Variants in ASIC2 observed in about 807,000 individuals in gnomAD.
The protein encoded by ASIC2 is acid sensing ion channel subunit 2, also known as acid-sensing ion channel 2.
In ASIC2, 25 loss-of-function variants were observed where a neutral mutation model predicts 57.3. The ratio of observed to expected loss-of-function variants is 0.44; its 90% CI spans 0.32 to 0.61. The LOEUF is 0.61. Among genes scored for constraint, ASIC2 ranks in the 20% least tolerant of loss-of-function variants. The probability of loss-of-function intolerance (pLI) is 0.06; values close to 1 mark genes in which losing one functional copy is unlikely to be tolerated. For synonymous variants in ASIC2, 319 were observed against 307.5 expected, an observed-to-expected ratio of 1.04 and a Z score of -0.39; for missense variants, 641 against 738.1, an observed-to-expected ratio of 0.87 and a Z score of 1.52.
chr17:33,124,641 C>T (rs189102928), intron 1 of ASIC2, among the ~76,000 whole-genome samples: 1 of 152,246 alleles, frequency 6.6e-6, no homozygotes, highest in Non-Finnish European at 1.5e-5. Context: ...GGGCAGTGGT[C>T]CCCAACCTTT....
intron 1 of ASIC2, among the ~76,000 whole-genome samples, chr17:34,127,535 C>T (rs1003691801): frequency 2.6e-5 from 4 of 152,206 alleles, no homozygotes; most frequent in African/African-American, 7.2e-5. Flanking sequence ...CATTTCCAAA[C>T]CAGTCATGCA....
At chr17:33,187,846 T>C (rs1291177670) in intron 1 of ASIC2, among the ~76,000 whole-genome samples, 4 of 130,194 alleles carry the variant, frequency 3.1e-5, no homozygotes, top group South Asian at 2.3e-4. Flanking sequence ...GAAAAAATGA[T>C]AACATCCAAC....
At chr17:33,701,481 G>A (rs565126771) in intron 1 of ASIC2, among the ~76,000 whole-genome samples, 1 of 152,244 alleles carries the variant, frequency 6.6e-6, no homozygotes, top group South Asian at 2.1e-4. Flanking sequence ...TTTTGTTATA[G>A]TTCTCAGCCC....
At chr17:33,740,640 A>G (rs1910082367) in intron 1 of ASIC2, among the ~76,000 whole-genome samples, 1 of 152,212 alleles carries the variant, frequency 6.6e-6, no homozygotes, top group Admixed American at 6.5e-5. Context: ...CAAGGAACAT[A>G]GACATCAGAT....
At chr17:33,969,030 AAC>A (rs1446135325) in intron 1 of ASIC2, among the ~76,000 whole-genome samples, 1 of 152,186 alleles carries the variant, frequency 6.6e-6, no homozygotes, top group African/African-American at 2.4e-5. Context: ...GTTTTAAAAA[AAC>A]ACAGAGGCCC....
At chr17:34,004,081 T>G (rs1208053406) in intron 1 of ASIC2, 1 of 152,204 alleles carries the variant, frequency 6.6e-6, no homozygotes, top group Non-Finnish European at 1.5e-5. Flanking sequence ...TGGTTACCAG[T>G]TATGGTGGGA....
chr17:33,598,537 G>A (rs1452493254), intron 1 of ASIC2, among the ~76,000 whole-genome samples: 1 of 152,184 alleles, frequency 6.6e-6, no homozygotes, highest in Non-Finnish European at 1.5e-5. Flanking sequence ...AAGACTGTAT[G>A]TGAAAATGTC....
At chr17:33,267,239 C>T (rs1042685035) in intron 1 of ASIC2, among the ~76,000 whole-genome samples, 1 of 152,118 alleles carries the variant, frequency 6.6e-6, no homozygotes, top group Non-Finnish European at 1.5e-5. Context: ...CCTTACCCCC[C>T]CCAGGAAGCA....
intron 1 of ASIC2, among the ~76,000 whole-genome samples, chr17:33,409,509 T>C (rs1378208596): frequency 6.6e-6 from 1 of 152,200 alleles, no homozygotes; most frequent in Non-Finnish European, 1.5e-5. Context: ...GAGAGAATGA[T>C]AGAGATGCGT....
chr17:33,962,256 T>C (rs1327221984), intron 1 of ASIC2, among the ~76,000 whole-genome samples: 1 of 152,134 alleles, frequency 6.6e-6, no homozygotes, highest in Admixed American at 6.5e-5. Context: ...ATAGGGTTCT[T>C]TGGAACATGG....
At chr17:33,086,452 G>A (rs564878170) in intron 3 of ASIC2, among the ~76,000 whole-genome samples, 2 of 152,188 alleles carry the variant, frequency 1.3e-5, no homozygotes, top group Non-Finnish European at 2.9e-5. Flanking sequence ...CTTTTAGAAA[G>A]TCACAGAATT....
intron 1 of ASIC2, among the ~76,000 whole-genome samples, chr17:33,960,624 A>G (rs1033619839): frequency 3.9e-5 from 6 of 152,260 alleles, no homozygotes; most frequent in Middle Eastern, 3.4e-3. Flanking sequence ...ATCCTGAAGC[A>G]CTTTTCCTCC....
chr17:34,125,077 C>T (rs1206238689), intron 1 of ASIC2, among the ~76,000 whole-genome samples: 2 of 151,658 alleles, frequency 1.3e-5, no homozygotes, highest in African/African-American at 4.9e-5. Flanking sequence ...CTTCCAGAGA[C>T]ACCTCCTCCA....
At chr17:33,180,706 G>A (rs1424593707) in intron 1 of ASIC2, among the ~76,000 whole-genome samples, 1 of 152,158 alleles carries the variant, frequency 6.6e-6, no homozygotes, top group Non-Finnish European at 1.5e-5. Context: ...TCTATTTGGG[G>A]ACCCTCTGAC....
At chr17:34,149,525 A>T (rs1029073261) in intron 1 of ASIC2, among the ~76,000 whole-genome samples, 1 of 152,212 alleles carries the variant, frequency 6.6e-6, no homozygotes, top group Non-Finnish European at 1.5e-5. Context: ...CTTAACATTA[A>T]ACAAGCTTCA....
chr17:33,293,454 G>C (rs1278608473), upstream of ASIC2, among the ~76,000 whole-genome samples: 1 of 152,210 alleles, frequency 6.6e-6, no homozygotes, highest in East Asian at 1.9e-4. Context: ...TGCGGGGGTG[G>C]GGTGTGGTGG....
intron 1 of ASIC2, among the ~76,000 whole-genome samples, chr17:33,919,710 A>G (rs942096694): frequency 6.6e-6 from 1 of 152,240 alleles, no homozygotes; most frequent in Non-Finnish European, 1.5e-5. Context: ...ACAGCAAAAT[A>G]AACTATAAAC....
intron 1 of ASIC2, chr17:33,569,258 A>C (rs1287375931): frequency 6.6e-6 from 1 of 152,318 alleles, no homozygotes. Context: ...TGGGGCCTGC[A>C]AGGCATGTAG....
rs555861620 is a variant in ASIC2, at chr17:33,911,966, C to A, written c.555+244012G>T. ...GACCAGCCTGACCAATGTGAAGAAA[C>A]CCCGTGTCTACTAAAAATACAAAAT... On this transcript the variant is annotated intron_variant, in intron 1 of 9. Coordinates refer to the ASIC2 transcript ENST00000359872. Among the ~76,000 whole-genome samples the A allele has an allele frequency of 4.0e-5, 6 of 151,680 alleles. No homozygotes were observed. The East Asian group carries it at 1.2e-3, about 29-fold the overall frequency.
Sources: gnomAD v4.1 joint callset for allele counts (sites outside exome capture counted in the v4.1 genomes callset) on GRCh38, gnomAD v4.1.1 for gene constraint, MANE v1.5 for transcripts, NCBI Gene and HGNC (gene_info 2026-07-23, HGNC 2026-07-21) for gene names.